UBXN2A: variants seen among roughly 807,000 people sequenced by gnomAD.
UBXN2A encodes the protein UBX domain protein 2A.
In UBXN2A, 28 loss-of-function variants were observed where a neutral mutation model predicts 28.4. That is an observed-to-expected ratio of 0.99 (90% CI 0.73 to 1.35). UBXN2A has a LOEUF of 1.35. UBXN2A is among the 40% of genes most tolerant of loss of function. UBXN2A has a pLI of 0.00. For synonymous variants in UBXN2A, 97 were observed against 103.6 expected (o/e 0.94, Z 0.39); for missense variants, 253 against 297.9 (o/e 0.85, Z 1.11).
chr2:23,954,471 T>C lies in UBXN2A; in HGVS notation c.-14-3830T>C, dbSNP rs535043340. The stretch of plus-strand genomic sequence containing the variant: ...CTTTTGGCTATTGTGAATATTGCTG[T>C]AGCCACCAAAATGTTTTCCTCAGCA... On this transcript the variant is annotated intron_variant, in intron 1 of 6. Coordinates refer to ENST00000309033, the MANE Select transcript of UBXN2A (RefSeq NM_181713.4). Among the ~76,000 whole-genome samples the C allele has an allele frequency of 3.3e-5, 5 of 152,302 alleles. No individual in the cohort carries two copies. In the East Asian group the frequency reaches 7.7e-4, roughly 23 times the overall value.
chr2:23,988,860 A>G (rs1328066160), intron 6 of UBXN2A, among the ~76,000 whole-genome samples: 1 of 152,212 alleles, frequency 6.6e-6, no homozygotes, highest in East Asian at 1.9e-4. Flanking sequence ...TCTCAGGTAC[A>G]GTTTGTGAGA....
chr2:23,950,434 C>T (rs888289097), intron 1 of UBXN2A, among the ~76,000 whole-genome samples: 2 of 151,912 alleles, frequency 1.3e-5, no homozygotes, highest in African/African-American at 4.8e-5. Flanking sequence ...GACGGATTCT[C>T]GCTCTGTTGT....
intron 5 of UBXN2A, 25 bp downstream of exon 5, chr2:23,983,058 T>G (rs1707979446): frequency 5.7e-6 from 9 of 1,569,614 alleles, no homozygotes; most frequent in Non-Finnish European, 7.8e-6. Flanking sequence ...TGTCTTGTTT[T>G]GCATAGATCA....
intron 1 of UBXN2A, among the ~76,000 whole-genome samples, chr2:23,928,507 G>A (rs1284645533): frequency 6.6e-6 from 1 of 150,918 alleles, no homozygotes; most frequent in African/African-American, 2.4e-5. Flanking sequence ...AACCCGGGAG[G>A]CAGAGATTGC....
intron 4 of UBXN2A, among the ~76,000 whole-genome samples, chr2:23,979,163 G>A (rs1427485445): frequency 6.6e-6 from 1 of 151,558 alleles, no homozygotes; most frequent in East Asian, 1.9e-4. Context: ...GCCAACATGG[G>A]AAAACCCCAT....
At chr2:23,933,899 G>A (rs56064672) in intron 1 of UBXN2A, among the ~76,000 whole-genome samples, 58 of 152,072 alleles carry the variant, frequency 3.8e-4, no homozygotes, top group Non-Finnish European at 6.6e-4. Context: ...TGAGAAACAC[G>A]AAATCAAGAG....
intron 2 of UBXN2A, among the ~76,000 whole-genome samples, chr2:23,958,940 A>G (rs1009381343): frequency 6.6e-6 from 1 of 152,064 alleles, no homozygotes; most frequent in Non-Finnish European, 1.5e-5. Context: ...TCCTGGGGAC[A>G]AGTGATCATC....
intron 3 of UBXN2A, among the ~76,000 whole-genome samples, chr2:23,974,304 AC>A (rs1207627689): frequency 4.0e-5 from 6 of 150,236 alleles, no homozygotes; most frequent in Non-Finnish European, 8.9e-5. Flanking sequence ...GACTTGAGCC[AC>A]CGTGCCTGGC....
intron 2 of UBXN2A, among the ~76,000 whole-genome samples, chr2:23,970,887 A>C (rs987385611): frequency 6.6e-6 from 1 of 152,126 alleles, no homozygotes; most frequent in Admixed American, 6.6e-5. Context: ...GACAGGAGAC[A>C]GAGCTCAGGT....
chr2:23,939,841 G>T (rs1402295932), upstream of UBXN2A, among the ~76,000 whole-genome samples: 1 of 152,182 alleles, frequency 6.6e-6, no homozygotes, highest in African/African-American at 2.4e-5. Flanking sequence ...CGGGCGCGGT[G>T]GCTCACGCCT....
chr2:23,963,143 G>C (rs1707007358), intron 2 of UBXN2A, among the ~76,000 whole-genome samples: 1 of 152,066 alleles, frequency 6.6e-6, no homozygotes, highest in South Asian at 2.1e-4. Context: ...CTCCCACCAG[G>C]TCCCTCCCAC....
intron 6 of UBXN2A, among the ~76,000 whole-genome samples, chr2:23,989,246 ATG>A (rs113041322): frequency 0.018 from 2,677 of 148,732 alleles, 35 homozygotes; most frequent in Middle Eastern, 0.042. Flanking sequence ...ACATATACAT[ATG>A]TGTGTGTGTG....
chr2:23,954,178 A>G (rs1256017520), intron 1 of UBXN2A, among the ~76,000 whole-genome samples: 1 of 152,086 alleles, frequency 6.6e-6, no homozygotes, highest in Non-Finnish European at 1.5e-5. Flanking sequence ...GTCCTTCCCC[A>G]TTCATCTCAA....
intron 4 of UBXN2A, among the ~76,000 whole-genome samples, chr2:23,979,647 C>A (rs1367158974): frequency 1.3e-5 from 2 of 152,018 alleles, no homozygotes; most frequent in African/African-American, 4.8e-5. Flanking sequence ...TAGTTCATTG[C>A]AGCTTCAAAC....
intron 1 of UBXN2A, among the ~76,000 whole-genome samples, chr2:23,949,696 GA>G (rs1706268699): frequency 6.6e-6 from 1 of 151,690 alleles, no homozygotes; most frequent in Non-Finnish European, 1.5e-5. Context: ...CCAATGTGGT[GA>G]AACGCTGTCT....
intron 6 of UBXN2A, among the ~76,000 whole-genome samples, chr2:23,997,256 G>A (rs908845429): frequency 1.3e-5 from 2 of 151,872 alleles, no homozygotes; most frequent in African/African-American, 4.8e-5. Context: ...ATTTTTATTA[G>A]TCTCTTTAAA....
At chr2:23,977,417 G>C (rs1189700923) in intron 4 of UBXN2A, 1 of 177,422 alleles carries the variant, frequency 5.6e-6, no homozygotes, top group Non-Finnish European at 1.2e-5. Context: ...GAGATGGGGA[G>C]ATCACCTGAG....
intron 1 of UBXN2A, among the ~76,000 whole-genome samples, chr2:23,932,332 A>G (rs199577531): frequency 1.8e-4 from 6 of 33,064 alleles, no homozygotes; most frequent in South Asian, 1.1e-3. Flanking sequence ...GTCTTGGGGG[A>G]AAAAAAAAAA....
rs570753731 is a variant in UBXN2A, at chr2:23,950,879, G to T, written c.-14-7422G>T. On this transcript the variant is annotated intron_variant, in intron 1 of 6. Transcript: ENST00000309033. The stretch of plus-strand genomic sequence containing the variant: ...CCACCACACCCATGCGTGGTTCGCC[G>T]TGTTGGCCAGGCTGGTCTCGAACTC... Among the ~76,000 whole-genome samples the T allele has an allele frequency of 3.7e-4, 55 of 149,806 alleles. No individual in the cohort carries two copies. The South Asian group carries it at 0.011, about 31-fold the overall frequency.
Sources: gnomAD v4.1 joint callset for allele counts (sites outside exome capture counted in the v4.1 genomes callset) on GRCh38, gnomAD v4.1.1 for gene constraint, MANE v1.5 for transcripts, NCBI Gene and HGNC (gene_info 2026-07-23, HGNC 2026-07-21) for gene names.